RIN3: variants seen among roughly 807,000 people sequenced by gnomAD.
RIN3 encodes the protein RAB5 interacting protein 3.
In RIN3, 54 loss-of-function variants were observed where a neutral mutation model predicts 76.3. That is an observed-to-expected ratio of 0.71 (90% CI 0.57 to 0.89). The LOEUF is 0.89. Ranked by LOEUF, RIN3 falls within the 40% of genes least tolerant of loss-of-function variation. The pLI, the probability that RIN3 is intolerant of heterozygous loss-of-function variation, is 0.00. For missense variants in RIN3, 1,256 were observed against 1,322.1 expected (o/e 0.95, Z 0.78); for synonymous variants, 576 against 564.0 (o/e 1.02, Z -0.30).
chr14:92,658,422 C>T (rs1595491279), intron 6 of RIN3, among the ~76,000 whole-genome samples: 1 of 152,220 alleles, frequency 6.6e-6, no homozygotes, highest in South Asian at 2.1e-4. Context: ...TGAGAGGTCA[C>T]AGGGCCCGAT....
intron 2 of RIN3, among the ~76,000 whole-genome samples, chr14:92,572,107 T>C (rs1161257195): frequency 2.6e-5 from 4 of 152,164 alleles, no homozygotes. Context: ...AAGTGCATGG[T>C]TTGACCTTTG....
intron 3 of RIN3, among the ~76,000 whole-genome samples, chr14:92,582,641 C>T (rs1462549392): frequency 2.6e-5 from 4 of 151,946 alleles, no homozygotes; most frequent in Admixed American, 6.5e-5. Context: ...TTAGTGGAAA[C>T]CAGGTTTCAC....
At chr14:92,559,703 G>T (rs1242325669) in intron 2 of RIN3, among the ~76,000 whole-genome samples, 1 of 152,202 alleles carries the variant, frequency 6.6e-6, no homozygotes, top group Non-Finnish European at 1.5e-5. Context: ...ACCAAGCTGG[G>T]CCATGAAGAA....
intron 8 of RIN3, among the ~76,000 whole-genome samples, chr14:92,683,456 G>T (rs1018805698): frequency 3.3e-5 from 5 of 152,196 alleles, no homozygotes; most frequent in African/African-American, 1.2e-4. Flanking sequence ...AACAAGCTCA[G>T]GAGAATGAAT....
At chr14:92,604,510 A>C (rs1885455871) in intron 3 of RIN3, among the ~76,000 whole-genome samples, 1 of 151,998 alleles carries the variant, frequency 6.6e-6, no homozygotes, top group African/African-American at 2.4e-5. Context: ...GCCAGGTGTA[A>C]GGGCATTTTT....
intron 1 of RIN3, among the ~76,000 whole-genome samples, chr14:92,536,816 A>G (rs969663170): frequency 5.3e-5 from 8 of 151,564 alleles, no homozygotes; most frequent in African/African-American, 1.5e-4. Flanking sequence ...CTGTAGCCCT[A>G]CTGACTATGT....
Position 92,688,192 on chromosome 14 carries a change from T to TGGCGGC in RIN3, c.2910_2915dup (p.Gly971_Gly972dup), listed in dbSNP as rs68153141. The stretch of plus-strand genomic sequence containing the variant: ...TTGTCTACCGGCCCCTGGACGGTGG[T>TGGCGGC]GGCGGCGGCGGCGGCGGGAGCCCGC... On this transcript the variant is annotated inframe_insertion, in exon 10 of 10. Transcript: ENST00000216487. 1.2e-5 allele frequency: 19 copies of TGGCGGC among 1,601,206 alleles called. No homozygotes were observed. Among genetic ancestry groups the TGGCGGC allele is most frequent in the Non-Finnish European group, 1.5e-5 (18 of 1,174,726 alleles).
intron 2 of RIN3, among the ~76,000 whole-genome samples, chr14:92,559,012 G>A (rs577701441): frequency 1.2e-3 from 186 of 151,688 alleles, no homozygotes; most frequent in African/African-American, 4.1e-3. Flanking sequence ...GACTACAGGC[G>A]TGTGCCACCA....
intron 1 of RIN3, among the ~76,000 whole-genome samples, chr14:92,535,312 C>CT (rs1323009094): frequency 2.0e-5 from 3 of 148,854 alleles, no homozygotes; most frequent in East Asian, 3.9e-4. Flanking sequence ...TGCTTTCATT[C>CT]TTTTTTTTCT....
Position 92,635,362 on chromosome 14 carries a change from C to T in RIN3, c.441-5876C>T, listed in dbSNP as rs1030624397. Among the ~76,000 whole-genome samples the T allele has an allele frequency of 7.9e-5, 12 of 152,086 alleles. No homozygotes were observed. In the East Asian group the frequency reaches 1.9e-3, roughly 24 times the overall value. ...CTGGGGTGTTTACTGTCTTTTATTA[C>T]GGAATTGGGAGGAACCAGTACAGGC... is the stretch of plus-strand genomic sequence containing the variant. On this transcript the variant is annotated intron_variant, in intron 4 of 9. Coordinates refer to ENST00000216487, the MANE Select transcript of RIN3 (RefSeq NM_024832.5).
intron 2 of RIN3, among the ~76,000 whole-genome samples, chr14:92,564,541 G>T (rs1897865739): frequency 6.6e-6 from 1 of 152,212 alleles, no homozygotes; most frequent in Non-Finnish European, 1.5e-5. Flanking sequence ...GAAAAAGCCA[G>T]CTCAGAAAGG....
At chr14:92,545,245 G>A (rs982513394) in intron 1 of RIN3, among the ~76,000 whole-genome samples, 1 of 151,828 alleles carries the variant, frequency 6.6e-6, no homozygotes, top group Admixed American at 6.6e-5. Context: ...AAGTAGGTGG[G>A]ACTACAGGCA....
At chr14:92,620,823 C>T (rs778843133) in intron 4 of RIN3, among the ~76,000 whole-genome samples, 23 of 152,068 alleles carry the variant, frequency 1.5e-4, no homozygotes, top group Non-Finnish European at 3.1e-4. Context: ...TCCTTAAGTT[C>T]GCCAATATTT....
intron 1 of RIN3, among the ~76,000 whole-genome samples, chr14:92,529,156 T>C (rs555369410): frequency 2.6e-5 from 4 of 152,232 alleles, no homozygotes; most frequent in Non-Finnish European, 5.9e-5. Context: ...AACAAAGGGA[T>C]ACTTACAGTC....
At chr14:92,577,996 T>A (rs1898307872) in intron 3 of RIN3, among the ~76,000 whole-genome samples, 1 of 152,050 alleles carries the variant, frequency 6.6e-6, no homozygotes, top group Non-Finnish European at 1.5e-5. Flanking sequence ...TTCCAACACT[T>A]CAGAAGGCAG....
At chr14:92,564,555 A>G (rs750511535) in intron 2 of RIN3, among the ~76,000 whole-genome samples, 8 of 152,182 alleles carry the variant, frequency 5.3e-5, no homozygotes, top group African/African-American at 1.9e-4. Flanking sequence ...AGAAAGGGGA[A>G]GTGACTTGCT....
intron 1 of RIN3, among the ~76,000 whole-genome samples, chr14:92,522,168 C>T (rs938843349): frequency 2.0e-5 from 3 of 152,110 alleles, no homozygotes; most frequent in African/African-American, 4.8e-5. Context: ...GACACTGAAA[C>T]AGAACCTGCC....
intron 3 of RIN3, among the ~76,000 whole-genome samples, chr14:92,585,531 G>A (rs908514920): frequency 6.6e-6 from 1 of 152,200 alleles, no homozygotes; most frequent in Non-Finnish European, 1.5e-5. Context: ...GGACAGATGT[G>A]TCAGCTTCAA....
chr14:92,576,554 C>T (rs532588053), intron 2 of RIN3, among the ~76,000 whole-genome samples: 4 of 152,288 alleles, frequency 2.6e-5, no homozygotes, highest in South Asian at 4.1e-4. Context: ...GTCCGGGGGC[C>T]GAATCCAGTT....
Sources: gnomAD v4.1 joint callset for allele counts (sites outside exome capture counted in the v4.1 genomes callset) on GRCh38, gnomAD v4.1.1 for gene constraint, MANE v1.5 for transcripts, NCBI Gene and HGNC (gene_info 2026-07-23, HGNC 2026-07-21) for gene names.